Variants in NRXN3 observed in about 807,000 individuals in gnomAD.
NRXN3 encodes neurexin 3, also known as neurexin III.
NRXN3 carries 32 observed loss-of-function variants against 137.6 expected under a neutral mutation model. The observed-to-expected ratio is 0.23, with a 90% confidence interval of 0.18 to 0.31. The LOEUF is 0.31. Ranked by LOEUF, NRXN3 falls within the 10% of genes least tolerant of loss-of-function variation. The pLI, the probability that NRXN3 is intolerant of heterozygous loss-of-function variation, is 1.00. For synonymous variants in NRXN3, 798 were observed against 784.5 expected, an observed-to-expected ratio of 1.02 and a Z score of -0.29; for missense variants, 1,574 against 2,062.5, an observed-to-expected ratio of 0.76 and a Z score of 4.59.
intron 4 of NRXN3, among the ~76,000 whole-genome samples, chr14:78,438,403 T>C (rs1339189493): frequency 2.0e-5 from 3 of 152,146 alleles, no homozygotes; most frequent in Admixed American, 1.3e-4. Context: ...GAGATTGTCT[T>C]GGAGAAACTA....
At chr14:79,037,509 G>T (rs928740133) in intron 15 of NRXN3, among the ~76,000 whole-genome samples, 2 of 152,074 alleles carry the variant, frequency 1.3e-5, no homozygotes, top group African/African-American at 2.4e-5. Flanking sequence ...TAAAATCGGG[G>T]TGAAGCAAGG....
chr14:79,045,412 T>A (rs2099631534), intron 15 of NRXN3, among the ~76,000 whole-genome samples: 4 of 152,176 alleles, frequency 2.6e-5, no homozygotes. Context: ...CTGTAAAGAA[T>A]AAGCCTGCAT....
At chr14:78,981,129 G>A (rs1391346007) in intron 14 of NRXN3, among the ~76,000 whole-genome samples, 1 of 152,152 alleles carries the variant, frequency 6.6e-6, no homozygotes, top group East Asian at 1.9e-4. Flanking sequence ...CCCCAGAATT[G>A]TCTGTCATGC....
At chr14:79,490,763 G>A (rs555188978) in intron 16 of NRXN3, among the ~76,000 whole-genome samples, 5 of 152,036 alleles carry the variant, frequency 3.3e-5, no homozygotes, top group South Asian at 4.2e-4. Flanking sequence ...AGCACAACAG[G>A]GTGACTGTAG....
At chr14:78,697,495 T>A (rs1468338449) in intron 6 of NRXN3, among the ~76,000 whole-genome samples, 1 of 152,002 alleles carries the variant, frequency 6.6e-6, no homozygotes, top group Non-Finnish European at 1.5e-5. Context: ...TATCTTTAAA[T>A]GTGATTTGTG....
chr14:78,656,928 T>A (rs1382219796), intron 6 of NRXN3, among the ~76,000 whole-genome samples: 1 of 151,236 alleles, frequency 6.6e-6, no homozygotes, highest in Non-Finnish European at 1.5e-5. Context: ...GCACCTGTAG[T>A]CCCAGCTACT....
intron 20 of NRXN3, among the ~76,000 whole-genome samples, chr14:79,814,126 T>C (rs2099244329): frequency 6.6e-6 from 1 of 152,238 alleles, no homozygotes; most frequent in African/African-American, 2.4e-5. Context: ...TACATTCTTT[T>C]GTAGTTATAA....
chr14:79,009,276 C>A (rs909866483), intron 15 of NRXN3, among the ~76,000 whole-genome samples: 6 of 151,906 alleles, frequency 3.9e-5, no homozygotes, highest in Non-Finnish European at 7.4e-5. Flanking sequence ...GAAATAAATT[C>A]TAGAAAAAAA....
chr14:79,843,750 T>A (rs956088727), intron 20 of NRXN3, among the ~76,000 whole-genome samples: 1 of 152,184 alleles, frequency 6.6e-6, no homozygotes, highest in Non-Finnish European at 1.5e-5. Context: ...ACCATTAAAG[T>A]TTTTTAAGAA....
intron 15 of NRXN3, among the ~76,000 whole-genome samples, chr14:79,329,825 A>C (rs992009394): frequency 1.3e-5 from 2 of 150,406 alleles, no homozygotes; most frequent in African/African-American, 4.9e-5. Flanking sequence ...TAGCTACTGA[A>C]TTAACGTGAT....
At chr14:78,254,233 CTG>C (rs779064243) in intron 2 of NRXN3, among the ~76,000 whole-genome samples, 20 of 152,294 alleles carry the variant, frequency 1.3e-4, no homozygotes, top group South Asian at 4.1e-4. Flanking sequence ...GGAGCTTGCA[CTG>C]TGAAAGATTC....
chr14:78,230,232 C>T (rs553419067), intron 1 of NRXN3, among the ~76,000 whole-genome samples: 1 of 152,038 alleles, frequency 6.6e-6, no homozygotes, highest in East Asian at 1.9e-4. Flanking sequence ...ACCATGTTGT[C>T]CAGGCTGGTC....
chr14:78,805,772 A>T (rs754838052), intron 9 of NRXN3, among the ~76,000 whole-genome samples: 2 of 151,978 alleles, frequency 1.3e-5, no homozygotes. Flanking sequence ...TTAAACAGAC[A>T]TTTTTTTCCC....
At chr14:79,185,691 T>G (rs1050424631) in intron 15 of NRXN3, among the ~76,000 whole-genome samples, 4 of 152,092 alleles carry the variant, frequency 2.6e-5, no homozygotes, top group Admixed American at 6.6e-5. Context: ...GGTCTCGATC[T>G]CCTGACCTCG....
chr14:79,811,333 A>G (rs2099231931), intron 20 of NRXN3, among the ~76,000 whole-genome samples: 1 of 152,186 alleles, frequency 6.6e-6, no homozygotes, highest in African/African-American at 2.4e-5. Context: ...AATTTAATTC[A>G]TTATTATTGG....
At chr14:79,638,117 C>T (rs917816571) in intron 16 of NRXN3, among the ~76,000 whole-genome samples, 26 of 152,156 alleles carry the variant, frequency 1.7e-4, no homozygotes, top group Admixed American at 8.5e-4. Context: ...TTGTATTATC[C>T]GTGCATTTGT....
intron 16 of NRXN3, among the ~76,000 whole-genome samples, chr14:79,468,647 C>T (rs1028392242): frequency 1.3e-5 from 2 of 152,198 alleles, no homozygotes; most frequent in African/African-American, 4.8e-5. Context: ...TGGCCGGAAT[C>T]ATGCATGACA....
At chr14:79,445,470 C>T (rs1021437101) in intron 15 of NRXN3, among the ~76,000 whole-genome samples, 4 of 152,160 alleles carry the variant, frequency 2.6e-5, no homozygotes, top group Admixed American at 6.5e-5. Flanking sequence ...GACATCAATT[C>T]TCATGGACTT....
chr14:79,092,959 G>A (rs1457418872), intron 15 of NRXN3, among the ~76,000 whole-genome samples: 4 of 152,038 alleles, frequency 2.6e-5, no homozygotes, highest in Non-Finnish European at 4.4e-5. Context: ...CTAGAGTTGC[G>A]GGTTATGAGT....
Sources: allele counts gnomAD v4.1 joint callset (sites outside exome capture counted in the v4.1 genomes callset), GRCh38; gene constraint gnomAD v4.1.1; transcripts MANE v1.5; gene names NCBI Gene and HGNC (gene_info 2026-07-23, HGNC 2026-07-21).